FBXL3: variants seen among roughly 807,000 people sequenced by gnomAD.
FBXL3 encodes the protein F-box/LRR-repeat protein 3.
FBXL3 carries 14 observed loss-of-function variants against 37.9 expected under a neutral mutation model. That is an observed-to-expected ratio of 0.37 (90% CI 0.24 to 0.58). The LOEUF (loss-of-function observed/expected upper bound fraction) is 0.58. FBXL3 is among the 20% of genes least tolerant of loss of function. The pLI is 0.74. For missense variants in FBXL3, 327 were observed against 511.1 expected (o/e 0.64, Z 3.47); for synonymous variants, 194 against 180.1 (o/e 1.08, Z -0.62).
chr13:77,018,326 C>A, intron 3 of FBXL3: 1 of 212,928 alleles, frequency 4.7e-6, no homozygotes, highest in Non-Finnish European at 9.1e-6. Context: ...TTCTAATATG[C>A]TTGACTCTAT....
chr13:77,014,469 A>T (rs2034609590), intron 4 of FBXL3: 1 of 152,254 alleles, frequency 6.6e-6, no homozygotes, highest in South Asian at 2.1e-4. Context: ...TGTAAGTGGC[A>T]GAGAGGGCTA....
At chr13:77,009,806 A>G (rs1431422132) in intron 4 of FBXL3, 2 of 152,254 alleles carry the variant, frequency 1.3e-5, no homozygotes, top group Non-Finnish European at 2.9e-5. Flanking sequence ...ATGCCCATGT[A>G]TGTTTACTGT....
intron 3 of FBXL3, 101 bp downstream of exon 3, chr13:77,018,499 T>C: frequency 2.4e-6 from 2 of 819,222 alleles, no homozygotes; most frequent in Admixed American, 3.3e-5. Flanking sequence ...ATTATGTATA[T>C]ATATAACTTT....
chr13:77,011,386 T>C (rs1044756366), intron 4 of FBXL3, among the ~76,000 whole-genome samples: 1 of 148,282 alleles, frequency 6.7e-6, no homozygotes, highest in African/African-American at 2.5e-5. Context: ...TGAATAGACA[T>C]TTCTCCAAAG....
rs67465656 is a variant in FBXL3, at chr13:77,016,540, C to CTT, written c.472-962_472-961dup. ...GCCAAGAAAGTATAATGAAACATTA[C>CTT]TTTTTTTTTTTTTTGAGACAGAGTA... On this transcript the variant is annotated intron_variant, in intron 3 of 4. Transcript: ENST00000355619. 1,094 of 145,506 alleles carry CTT rather than the reference C, an allele frequency of 7.5e-3. 3 individuals carry two copies. The highest frequency in any genetic ancestry group is 9.3e-3 in the Non-Finnish European group (612 of 65,748). 9.0% of individuals were successfully genotyped at this position (145,506 alleles called of 1,614,324 possible).
In FBXL3 at chr13:77,006,329, T is replaced by C. The variant is rs1399764148; in HGVS notation, c.*816A>G. 2.0e-5 allele frequency: 3 copies of C among 152,188 alleles called. No homozygotes were observed. The highest frequency in any genetic ancestry group is 6.5e-5 in the Admixed American group (1 of 15,286). 9.4% of individuals were successfully genotyped at this position (152,188 alleles called of 1,614,324 possible). A position where few individuals can be genotyped will look rare whatever the true frequency, so the allele number is the denominator to read the frequency against. On this transcript the variant is annotated 3_prime_UTR_variant, in exon 5 of 5. Transcript: ENST00000355619. ...TTTCATTTCAATTATTGTTTAATAC[T>C]TTAAAGCTAGTTTAAACAAAGATAA...
At position 77,007,127 on chromosome 13, in the gene FBXL3, C is replaced by CT. The variant is rs1566225685; in HGVS notation, c.*17dup. On this transcript the variant is annotated 3_prime_UTR_variant, in exon 5 of 5. Transcript: ENST00000355619. ...AATACATTTGCTTGAAATTAAGGTG[C>CT]TATTCATCATGCAGTTTTTACCAAG... The CT allele has an allele frequency of 1.9e-6, 3 of 1,577,284 alleles. No individual in the cohort carries two copies. In the Admixed American group the frequency reaches 5.2e-5, roughly 27 times the overall value.
intron 4 of FBXL3, chr13:77,013,610 T>TA (rs984220310): frequency 1.3e-5 from 2 of 152,158 alleles, no homozygotes; most frequent in Non-Finnish European, 2.9e-5. Context: ...TCTGACCCCT[T>TA]ATAATTCCAT....
In FBXL3 at chr13:77,020,563, C is replaced by G. The variant is rs567931085; in HGVS notation, c.348+950G>C. Among the ~76,000 whole-genome samples the G allele has an allele frequency of 2.6e-4, 39 of 149,188 alleles. No homozygotes were observed. The South Asian group carries it at 8.4e-3, about 32-fold the overall frequency. On this transcript the variant is annotated intron_variant, in intron 2 of 4. Transcript: ENST00000355619. ...CTGCCTAGGTTTAGCCTGGACTATT[C>G]AGCAACTGCTTGTGTCCAGATAAAT...
At chr13:77,017,126 A>G (rs910336887) in intron 3 of FBXL3, 1 of 152,090 alleles carries the variant, frequency 6.6e-6, no homozygotes, top group Admixed American at 6.6e-5. Context: ...CCCTACTTCA[A>G]TCTTCTACCA....
chr13:77,018,758 T>C lies in FBXL3; in HGVS notation c.349-36A>G, dbSNP rs74530839. On this transcript the variant is annotated intron_variant, in intron 2 of 4. Transcript: ENST00000355619. ...AAACACCGTTTACTCATGAATATTTTATTATTTTTTTACTTTTTTCCCCAA... is the reference window on the plus strand; with the variant it reads ...AAACACCGTTTACTCATGAATATTTCATTATTTTTTTACTTTTTTCCCCAA... The C allele has an allele frequency of 2.2e-3, 3,209 of 1,486,088 alleles. 62 individuals carry two copies. In the African/African-American group the frequency reaches 0.04, roughly 19 times the overall value. The allele number at this position is 1,486,088 out of a possible 1,614,324, so 92.1% of individuals were successfully genotyped here.
chr13:77,018,038 G>A (rs1022184542), intron 3 of FBXL3: 2 of 151,502 alleles, frequency 1.3e-5, no homozygotes, highest in African/African-American at 4.9e-5. Flanking sequence ...ATAGTTGTGA[G>A]AGAGAGACAC....
rs1217707347 is a variant in FBXL3 at position 77,021,508 on chromosome 13, A to G, written c.348+5T>C. On this transcript the variant is annotated splice_donor_5th_base_variant and intron_variant, in intron 2 of 4. Transcript: ENST00000355619. ...ATTTTTTAAAAGAAGGATTTAAAATATTACCTTGAAGCTGACATATTGTAG... is the reference window on the plus strand; with the variant it reads ...ATTTTTTAAAAGAAGGATTTAAAATGTTACCTTGAAGCTGACATATTGTAG... 1.9e-6 allele frequency: 3 copies of G among 1,587,800 alleles called. No individual in the cohort carries two copies. The highest frequency in any genetic ancestry group is 2.6e-6 in the Non-Finnish European group (3 of 1,164,532).
intron 3 of FBXL3, chr13:77,017,916 A>G (rs1250574115): frequency 2.6e-5 from 4 of 152,038 alleles, no homozygotes; most frequent in Admixed American, 2.0e-4. Flanking sequence ...TGGGAAAAAA[A>G]TATCAAATTA....
At chr13:77,011,722 CAAA>C (rs60267585) in intron 4 of FBXL3, among the ~76,000 whole-genome samples, 9 of 93,260 alleles carry the variant, frequency 9.7e-5, no homozygotes, top group East Asian at 6.3e-4. Flanking sequence ...GACCCTGTCT[CAAA>C]AAAAAAAAAA....
At position 77,018,792 on chromosome 13, in the gene FBXL3, A is replaced by G. The variant is rs74096169; in HGVS notation, c.349-70T>C. 5.8e-3 allele frequency: 7,456 copies of G among 1,283,434 alleles called. 350 individuals carry two copies. The African/African-American group carries it at 0.097, about 17-fold the overall frequency. 79.5% of individuals were successfully genotyped at this position (1,283,434 alleles called of 1,614,324 possible). On this transcript the variant is annotated intron_variant, in intron 2 of 4. Transcript: ENST00000355619. ...TTTACTTTTTTCCCCAAATACCCAGACTTCAAGATTACTCATGTATATATT... is the reference window on the plus strand; with the variant it reads ...TTTACTTTTTTCCCCAAATACCCAGGCTTCAAGATTACTCATGTATATATT...
At chr13:77,011,307 C>T (rs182657407) in intron 4 of FBXL3, among the ~76,000 whole-genome samples, 1 of 146,568 alleles carries the variant, frequency 6.8e-6, no homozygotes, top group East Asian at 2.0e-4. Flanking sequence ...TGCCACTGCA[C>T]TCTCCAGCCT....
intron 4 of FBXL3, chr13:77,010,267 AACAC>A (rs1338308534): frequency 6.6e-6 from 1 of 152,164 alleles, no homozygotes; most frequent in African/African-American, 2.4e-5. Context: ...ATTAAAAAAA[AACAC>A]ACAGACATGG....
chr13:77,018,850 A>G (rs2034691277), intron 2 of FBXL3, 128 bp from the exon 3 acceptor site: 2 of 717,818 alleles, frequency 2.8e-6, no homozygotes, highest in Admixed American at 3.9e-5. Context: ...CATTTTATAG[A>G]AGTATCATTA....
Sources: gnomAD v4.1 joint callset for allele counts (sites outside exome capture counted in the v4.1 genomes callset) on GRCh38, gnomAD v4.1.1 for gene constraint, MANE v1.5 for transcripts, NCBI Gene and HGNC (gene_info 2026-07-23, HGNC 2026-07-21) for gene names.